CTPS1: variants seen among roughly 807,000 people sequenced by gnomAD.
The protein encoded by CTPS1 is CTP synthetase 1.
A neutral mutation model predicts 80.5 loss-of-function variants in CTPS1; 25 were observed. The observed-to-expected ratio is 0.31, with a 90% CI of 0.23 to 0.43. CTPS1 has a LOEUF of 0.43. CTPS1 is among the 20% of genes least tolerant of loss of function. The pLI is 1.00. For missense variants in CTPS1, 442 were observed against 725.7 expected (o/e 0.61, Z 4.49); for synonymous variants, 267 against 252.5 (o/e 1.06, Z -0.54).
chr1:40,986,188 G>GT (rs1642447833), intron 3 of CTPS1, among the ~76,000 whole-genome samples: 1 of 152,260 alleles, frequency 6.6e-6, no homozygotes, highest in South Asian at 2.1e-4. Context: ...AAGAAACCAA[G>GT]TGGAGTGAGG....
chr1:41,002,284 TAA>T, intron 11 of CTPS1, 30 bp downstream of exon 11: 1 of 1,582,500 alleles, frequency 6.3e-7, no homozygotes. Flanking sequence ...AGTCTTCACT[TAA>T]GAGTAGGAAA....
At chr1:40,992,717 G>C (rs934764409) in intron 7 of CTPS1, among the ~76,000 whole-genome samples, 1 of 142,258 alleles carries the variant, frequency 7.0e-6, no homozygotes, top group African/African-American at 2.6e-5. Context: ...TTGAGACAGA[G>C]TCTCGCTGTG....
Position 40,979,842 on chromosome 1 carries a change from C to T in CTPS1, c.-14+13C>T, listed in dbSNP as rs1651768936. The T allele has an allele frequency of 6.6e-6, 1 of 152,196 alleles. No homozygotes were observed. The highest frequency in any genetic ancestry group is 6.5e-5 in the Admixed American group (1 of 15,280). The allele number at this position is 152,196 out of a possible 1,614,324, so 9.4% of individuals were successfully genotyped here. A position where few individuals can be genotyped will look rare whatever the true frequency, so the allele number is the denominator to read the frequency against. On this transcript the variant is annotated intron_variant, in intron 1 of 18. Transcript: ENST00000650070. ...AAGCCGGCCGCAGGTAGGCTGACTC[C>T]AGGGATCCCGGGGGGGATCTGTTCT... is the stretch of plus-strand genomic sequence containing the variant.
intron 5 of CTPS1, among the ~76,000 whole-genome samples, chr1:40,990,690 G>C (rs1642583562): frequency 6.6e-6 from 1 of 152,116 alleles, no homozygotes; most frequent in Non-Finnish European, 1.5e-5. Flanking sequence ...ACGTGTATCT[G>C]TTAAGTGTGA....
intron 14 of CTPS1, among the ~76,000 whole-genome samples, chr1:41,008,081 T>C (rs1360968261): frequency 6.6e-6 from 1 of 152,234 alleles, no homozygotes; most frequent in Non-Finnish European, 1.5e-5. Context: ...CTGGGCGTTC[T>C]GTAGCAGCAT....
chr1:40,986,329 G>A (rs1191988369), intron 3 of CTPS1, among the ~76,000 whole-genome samples: 1 of 152,228 alleles, frequency 6.6e-6, no homozygotes, highest in African/African-American at 2.4e-5. Flanking sequence ...ACGAAGGCGT[G>A]GTTGGTCCGG....
At position 40,988,578 on chromosome 1, in the gene CTPS1, A is replaced by T. The variant is rs1407746286; in HGVS notation, c.439-16A>T. The T allele has an allele frequency of 6.3e-7, 1 of 1,592,952 alleles. No individual in the cohort carries two copies. Among genetic ancestry groups the T allele is most frequent in the Non-Finnish European group, 8.6e-7 (1 of 1,161,330 alleles). On this transcript the variant is annotated splice_polypyrimidine_tract_variant and intron_variant, in intron 4 of 18. Coordinates refer to ENST00000650070, the MANE Select transcript of CTPS1 (RefSeq NM_001905.4). ...GGGTTTAGTGCCTAACCTCTGAAACAACTTTGTTCTTCTAGCTTGGTGGAA... is the reference window on the plus strand; with the variant it reads ...GGGTTTAGTGCCTAACCTCTGAAACTACTTTGTTCTTCTAGCTTGGTGGAA...
At chr1:41,008,566 A>T (rs1643091939) in intron 14 of CTPS1, 93 bp from the exon 15 acceptor site, 1 of 1,353,634 alleles carries the variant, frequency 7.4e-7, no homozygotes, top group Non-Finnish European at 1.1e-6. Flanking sequence ...GGCTGTGTGG[A>T]TGATGAAAAG....
intron 9 of CTPS1, among the ~76,000 whole-genome samples, chr1:40,999,332 T>G (rs1642840260): frequency 6.6e-6 from 1 of 152,108 alleles, no homozygotes; most frequent in Non-Finnish European, 1.5e-5. Context: ...CTGGGCCAAA[T>G]CTGGGTCTTA....
chr1:41,001,785 C>G (rs1179148080), intron 10 of CTPS1, among the ~76,000 whole-genome samples: 1 of 151,982 alleles, frequency 6.6e-6, no homozygotes, highest in African/African-American at 2.4e-5. Flanking sequence ...GGTCCCAGCT[C>G]CTTGGGAGAT....
In CTPS1 at chr1:40,988,673, A is replaced by G. The variant is rs1642520278; in HGVS notation, c.518A>G (p.Glu173Gly). The G allele has an allele frequency of 6.2e-7, 1 of 1,613,936 alleles. No homozygotes were observed. Among genetic ancestry groups the G allele is most frequent in the Admixed American group, 1.7e-5 (1 of 60,010 alleles). ...FRQFQFKVKR[E>G]NFCNIHVSLV... ...CAGTTCCAATTCAAGGTCAAAAGAGAGAACTTTTGTAACATCCACGTCAGT... is the reference window on the plus strand; with the variant it reads ...CAGTTCCAATTCAAGGTCAAAAGAGGGAACTTTTGTAACATCCACGTCAGT... The change falls in exon 5 of 19, where the codon GAG becomes GGG. Residue 173 changes from glutamate to glycine, a missense_variant. This residue lies in a region of CTPS1 where 27 missense variants were observed against 83.6 expected (regional missense o/e 0.32). Coordinates refer to ENST00000650070, the MANE Select transcript of CTPS1 (RefSeq NM_001905.4).
intron 11 of CTPS1, 33 bp downstream of exon 11, chr1:41,002,287 G>C (rs1338335401): frequency 1.3e-6 from 2 of 1,561,706 alleles, no homozygotes; most frequent in Non-Finnish European, 8.8e-7. Context: ...CTTCACTTAA[G>C]AGTAGGAAAG....
chr1:40,981,478 A>C (rs142603465), intron 1 of CTPS1, among the ~76,000 whole-genome samples: 1 of 152,300 alleles, frequency 6.6e-6, no homozygotes, highest in Non-Finnish European at 1.5e-5. Flanking sequence ...ACTTAGGGAG[A>C]CCAGGGTATA....
At chr1:40,990,623 T>TAA (rs757660759) in intron 5 of CTPS1, among the ~76,000 whole-genome samples, 4 of 150,726 alleles carry the variant, frequency 2.7e-5, no homozygotes, top group East Asian at 1.9e-4. Context: ...TGTCTCGATT[T>TAA]AAAAAAAAAG....
chr1:40,990,347 A>G (rs542100015), intron 5 of CTPS1, among the ~76,000 whole-genome samples: 3 of 152,344 alleles, frequency 2.0e-5, no homozygotes, highest in Middle Eastern at 6.8e-3. Flanking sequence ...GATGACCTAC[A>G]CCAAGGCATA....
At chr1:40,988,175 A>G (rs1570946364) in intron 4 of CTPS1, among the ~76,000 whole-genome samples, 1 of 152,134 alleles carries the variant, frequency 6.6e-6, no homozygotes, top group Non-Finnish European at 1.5e-5. Context: ...TGGCCTCCCA[A>G]AGTGTTAGGA....
Position 41,009,520 on chromosome 1 carries a change from T to G in CTPS1, c.1622T>G (p.Phe541Cys). The stretch of plus-strand genomic sequence containing the variant: ...CCTATCAAGCCCTCCCCACCATACT[T>G]TGGCCTCCTCCTGGCCTCTGTGGGG... ...SRPIKPSPPY[F>C]GLLLASVGRL... is the part of the protein sequence containing the mutation. Residue 541 changes from phenylalanine to cysteine, a missense_variant, in exon 17 of 19, where the codon TTT becomes TGT. Phe to Cys is a radical substitution (Grantham distance 205, BLOSUM62 -2). This residue lies in a region of CTPS1 where 321 missense variants were observed against 467.2 expected (regional missense o/e 0.69). Transcript: ENST00000650070. 3 of 1,614,064 alleles carry G rather than the reference T, an allele frequency of 1.9e-6. No individual in the cohort carries two copies. Among genetic ancestry groups the G allele is most frequent in the Non-Finnish European group, 1.7e-6 (2 of 1,180,008 alleles).
At chr1:40,994,261 G>T (rs1324428210) in intron 7 of CTPS1, among the ~76,000 whole-genome samples, 1 of 152,072 alleles carries the variant, frequency 6.6e-6, no homozygotes, top group Non-Finnish European at 1.5e-5. Flanking sequence ...TCCATTCTAG[G>T]TTAACTTTTG....
chr1:40,983,619 C>CT (rs56179408), intron 2 of CTPS1, among the ~76,000 whole-genome samples, 163 bp downstream of exon 2: 25,413 of 140,192 alleles, frequency 0.18, 2,373 homozygotes, highest in Middle Eastern at 0.26. Context: ...AAGCAGAATT[C>CT]TTTTTTTTTT....
Sources: allele counts gnomAD v4.1 joint callset (sites outside exome capture counted in the v4.1 genomes callset), GRCh38; gene constraint gnomAD v4.1.1; regional missense constraint gnomAD v4.1.1; transcripts MANE v1.5; gene names NCBI Gene and HGNC (gene_info 2026-07-23, HGNC 2026-07-21).